Variants in ASIC2 observed in about 807,000 individuals in gnomAD.
ASIC2 encodes the protein acid-sensing ion channel 2.
A neutral mutation model predicts 57.3 loss-of-function variants in ASIC2; 25 were observed. That is an observed-to-expected ratio of 0.44 (90% CI 0.32 to 0.61). ASIC2 has a LOEUF of 0.61. Among genes scored for constraint, ASIC2 ranks in the 20% least tolerant of loss-of-function variants. ASIC2 has a pLI of 0.06. For synonymous variants in ASIC2, 319 were observed against 307.5 expected, an observed-to-expected ratio of 1.04 and a Z score of -0.39; for missense variants, 641 against 738.1, an observed-to-expected ratio of 0.87 and a Z score of 1.52.
At chr17:33,705,926 A>G (rs975346178) in intron 1 of ASIC2, among the ~76,000 whole-genome samples, 2 of 152,276 alleles carry the variant, frequency 1.3e-5, no homozygotes, top group Middle Eastern at 3.4e-3. Flanking sequence ...AGAGGCAAAT[A>G]TTTTAAATCT....
At chr17:34,130,050 C>T (rs892130026) in intron 1 of ASIC2, among the ~76,000 whole-genome samples, 1 of 152,172 alleles carries the variant, frequency 6.6e-6, no homozygotes, top group African/African-American at 2.4e-5. Context: ...TGCACCTTGC[C>T]ATTTACTTTA....
intron 1 of ASIC2, among the ~76,000 whole-genome samples, chr17:33,438,714 A>G (rs1274062169): frequency 6.6e-6 from 1 of 152,052 alleles, no homozygotes; most frequent in Non-Finnish European, 1.5e-5. Flanking sequence ...TGAACAGGAC[A>G]ATTACTCATT....
chr17:33,212,227 G>A (rs1907303640), intron 1 of ASIC2, among the ~76,000 whole-genome samples: 1 of 152,190 alleles, frequency 6.6e-6, no homozygotes, highest in African/African-American at 2.4e-5. Flanking sequence ...ATGTGATTAA[G>A]GTAAGCTCCT....
intron 1 of ASIC2, among the ~76,000 whole-genome samples, chr17:33,836,096 C>A (rs1913266619): frequency 7.0e-6 from 1 of 142,150 alleles, no homozygotes. Context: ...ATATAATTAT[C>A]TCATTTACCC....
At chr17:33,302,654 C>T (rs1426154502) in intron 1 of ASIC2, among the ~76,000 whole-genome samples, 1 of 152,216 alleles carries the variant, frequency 6.6e-6, no homozygotes, top group Admixed American at 6.5e-5. Context: ...ACCACTTCCT[C>T]TGGTTTCTCT....
chr17:33,094,945 A>C (rs1027988038), intron 2 of ASIC2, among the ~76,000 whole-genome samples: 3 of 152,220 alleles, frequency 2.0e-5, no homozygotes, highest in Non-Finnish European at 4.4e-5. Flanking sequence ...GGATCAGGCA[A>C]GTTGAAGTCT....
intron 1 of ASIC2, among the ~76,000 whole-genome samples, chr17:33,274,773 T>C (rs557274130): frequency 3.3e-5 from 5 of 152,288 alleles, no homozygotes; most frequent in African/African-American, 1.2e-4. Context: ...TGATCTCCCT[T>C]ATTTTCTGGA....
chr17:33,026,859 C>G (rs138347070), intron 4 of ASIC2, among the ~76,000 whole-genome samples: 1 of 152,040 alleles, frequency 6.6e-6, no homozygotes, highest in East Asian at 1.9e-4. Flanking sequence ...TTTTCGGAGC[C>G]GAAGAGTCAA....
chr17:33,927,426 C>T (rs1479461822), intron 1 of ASIC2, among the ~76,000 whole-genome samples: 1 of 152,156 alleles, frequency 6.6e-6, no homozygotes, highest in Non-Finnish European at 1.5e-5. Context: ...TTCTCATGAA[C>T]AGAAATAGTG....
chr17:33,880,277 G>C (rs571709551), intron 1 of ASIC2, among the ~76,000 whole-genome samples: 3 of 152,254 alleles, frequency 2.0e-5, no homozygotes, highest in South Asian at 2.1e-4. Flanking sequence ...GAAGGAAATA[G>C]AGACACAAAA....
intron 1 of ASIC2, among the ~76,000 whole-genome samples, chr17:33,365,862 C>CTGAATT (rs1299151965): frequency 6.6e-6 from 1 of 152,202 alleles, no homozygotes; most frequent in African/African-American, 2.4e-5. Context: ...TTAATTATAG[C>CTGAATT]TGAATTTGGG....
chr17:33,785,352 T>C (rs1390311025), intron 1 of ASIC2, among the ~76,000 whole-genome samples: 1 of 152,204 alleles, frequency 6.6e-6, no homozygotes, highest in Non-Finnish European at 1.5e-5. Flanking sequence ...TCAGTCTGTA[T>C]TACTTGGTTA....
chr17:33,476,705 C>T (rs973377505), intron 1 of ASIC2, among the ~76,000 whole-genome samples: 4 of 151,834 alleles, frequency 2.6e-5, no homozygotes, highest in Non-Finnish European at 4.4e-5. Context: ...AGGGACAAAT[C>T]GTTCATGTGT....
At chr17:34,080,225 A>T (rs1909827432) in intron 1 of ASIC2, among the ~76,000 whole-genome samples, 1 of 151,768 alleles carries the variant, frequency 6.6e-6, no homozygotes, top group Non-Finnish European at 1.5e-5. Flanking sequence ...ACATCACATA[A>T]AACCACTCAG....
chr17:33,311,387 C>A (rs1345953676), intron 1 of ASIC2, among the ~76,000 whole-genome samples: 2 of 151,220 alleles, frequency 1.3e-5, no homozygotes, highest in African/African-American at 4.9e-5. Flanking sequence ...TTGCTCCTAG[C>A]AATTGTGTGT....
intron 1 of ASIC2, among the ~76,000 whole-genome samples, chr17:33,654,997 C>T (rs1907033131): frequency 6.6e-6 from 1 of 152,116 alleles, no homozygotes; most frequent in African/African-American, 2.4e-5. Flanking sequence ...AGAAGACCTC[C>T]TAAGTCTTGA....
At chr17:33,214,093 A>T (rs1597633287) in intron 1 of ASIC2, among the ~76,000 whole-genome samples, 1 of 152,316 alleles carries the variant, frequency 6.6e-6, no homozygotes, top group East Asian at 1.9e-4. Flanking sequence ...TGCCCAGGGT[A>T]GCATGGCATG....
At chr17:34,077,870 C>T (rs1255067875) in intron 1 of ASIC2, among the ~76,000 whole-genome samples, 3 of 152,104 alleles carry the variant, frequency 2.0e-5, no homozygotes, top group Admixed American at 2.0e-4. Context: ...TGTGTGGCTC[C>T]CAGCGACCCC....
intron 1 of ASIC2, among the ~76,000 whole-genome samples, chr17:33,151,692 C>T (rs1216750895): frequency 1.3e-5 from 2 of 152,208 alleles, no homozygotes; most frequent in African/African-American, 2.4e-5. Context: ...GTTCACCCCA[C>T]TTCCCTGCTC....
Sources: allele counts gnomAD v4.1 joint callset (sites outside exome capture counted in the v4.1 genomes callset), GRCh38; gene constraint gnomAD v4.1.1; transcripts MANE v1.5; gene names NCBI Gene and HGNC (gene_info 2026-07-23, HGNC 2026-07-21).